Variants in PDHX observed in about 807,000 individuals in gnomAD.
The protein encoded by PDHX is pyruvate dehydrogenase complex component X.
PDHX carries 33 observed loss-of-function variants against 55.3 expected under a neutral mutation model. That is an observed-to-expected ratio of 0.60 (90% CI 0.45 to 0.80). The LOEUF (loss-of-function observed/expected upper bound fraction) is 0.80, where lower values mean the gene tolerates loss of function less well. Among genes scored for constraint, PDHX ranks in the 30% least tolerant of loss-of-function variants. The pLI is 0.00. For missense variants in PDHX, 622 were observed against 619.9 expected, an observed-to-expected ratio of 1.00 and a Z score of -0.04; for synonymous variants, 226 against 219.4, an observed-to-expected ratio of 1.03 and a Z score of -0.27.
intron 2 of PDHX, among the ~76,000 whole-genome samples, chr11:34,940,406 T>A (rs1190734389): frequency 6.6e-6 from 1 of 152,212 alleles, no homozygotes; most frequent in African/African-American, 2.4e-5. Flanking sequence ...ACTAGAGAGT[T>A]ATATGGGTCT....
intron 1 of PDHX, among the ~76,000 whole-genome samples, chr11:34,925,563 A>G (rs1333232138): frequency 6.6e-6 from 1 of 152,202 alleles, no homozygotes; most frequent in Non-Finnish European, 1.5e-5. Context: ...AGGAAGTAAG[A>G]TTGGATAAAT....
At chr11:34,955,447 T>A (rs558385615) in intron 3 of PDHX, among the ~76,000 whole-genome samples, 3 of 152,190 alleles carry the variant, frequency 2.0e-5, no homozygotes, top group Admixed American at 2.0e-4. Context: ...TGACTTTAAA[T>A]GGAATTATAA....
At chr11:34,953,412 G>A (rs1854825728) in intron 3 of PDHX, among the ~76,000 whole-genome samples, 1 of 152,138 alleles carries the variant, frequency 6.6e-6, no homozygotes, top group Admixed American at 6.5e-5. Context: ...GAACAAAGCT[G>A]GAGGCATCAT....
chr11:34,983,346 G>C lies in PDHX; in HGVS notation c.1024-1224G>C, dbSNP rs138268696. Among the ~76,000 whole-genome samples the C allele has an allele frequency of 1.2e-3, 188 of 152,234 alleles. 2 individuals carry two copies. Among genetic ancestry groups the C allele is most frequent in the African/African-American group, 4.3e-3 (179 of 41,536 alleles). ...TGAATAGGCAAAAACTGGAAGCATT[G>C]CCTTTGAAAACTGGCACAAGGCAGA... On this transcript the variant is annotated intron_variant, in intron 8 of 10. Transcript: ENST00000227868.
At chr11:34,935,104 A>G (rs1854278294) in intron 2 of PDHX, among the ~76,000 whole-genome samples, 1 of 152,084 alleles carries the variant, frequency 6.6e-6, no homozygotes, top group African/African-American at 2.4e-5. Flanking sequence ...TAAGTGAGGT[A>G]AAAGGTATAT....
chr11:34,916,584 C>A, upstream of PDHX: 18 of 1,581,096 alleles, frequency 1.1e-5, no homozygotes, highest in Non-Finnish European at 1.5e-5. Flanking sequence ...GCGTGGCCAA[C>A]CATGCGGGAG....
intron 5 of PDHX, among the ~76,000 whole-genome samples, chr11:34,962,306 C>G (rs546339558): frequency 1.3e-5 from 2 of 152,220 alleles, no homozygotes; most frequent in East Asian, 3.9e-4. Context: ...AAGGGAGATC[C>G]CTGATACAGA....
At chr11:34,976,057 A>G (rs1342072051) in intron 7 of PDHX, among the ~76,000 whole-genome samples, 1 of 152,194 alleles carries the variant, frequency 6.6e-6, no homozygotes, top group Non-Finnish European at 1.5e-5. Flanking sequence ...ATAGAGGTTA[A>G]TATGGGAATC....
At chr11:34,981,657 C>T (rs1179085066) in intron 8 of PDHX, among the ~76,000 whole-genome samples, 1 of 152,108 alleles carries the variant, frequency 6.6e-6, no homozygotes, top group Admixed American at 6.5e-5. Context: ...TCCTCTCCAG[C>T]ACCTGTTGTT....
At position 34,950,492 on chromosome 11, in the gene PDHX, A is replaced by T. The variant is rs1590745974; in HGVS notation, c.342+2886A>T. Among the ~76,000 whole-genome samples, 3 of 150,408 alleles carry T rather than the reference A, an allele frequency of 2.0e-5. No homozygotes were observed. In the East Asian group the frequency reaches 5.9e-4, roughly 30 times the overall value. ...TGCACCCATTAACTCGTCATTTAGCATTAGGTATATCTCCTAATGCTATCC... is the reference window on the plus strand; with the variant it reads ...TGCACCCATTAACTCGTCATTTAGCTTTAGGTATATCTCCTAATGCTATCC... On this transcript the variant is annotated intron_variant, in intron 3 of 10. Transcript: ENST00000227868.
chr11:34,970,066 A>G (rs959095981), intron 6 of PDHX, 73 bp from the exon 7 acceptor site: 4 of 1,268,134 alleles, frequency 3.2e-6, no homozygotes, highest in Non-Finnish European at 3.4e-6. Flanking sequence ...TTTCATTTAT[A>G]AAGTTGCTTG....
intron 10 of PDHX, 130 bp downstream of exon 10, chr11:34,992,509 T>C (rs998101926): frequency 4.9e-6 from 3 of 606,498 alleles, no homozygotes; most frequent in Admixed American, 2.8e-5. Flanking sequence ...ATTTAGACAA[T>C]AGAATATCTG....
intron 1 of PDHX, among the ~76,000 whole-genome samples, chr11:34,926,646 A>G (rs1328493641): frequency 2.1e-5 from 3 of 139,866 alleles, no homozygotes; most frequent in Non-Finnish European, 4.7e-5. Context: ...CTGCATTTGT[A>G]TTTTAAGAGT....
chr11:34,984,264 A>T (rs1226810561), intron 8 of PDHX, among the ~76,000 whole-genome samples: 1 of 152,220 alleles, frequency 6.6e-6, no homozygotes, highest in Non-Finnish European at 1.5e-5. Flanking sequence ...TACAACAGAC[A>T]TTAAATAACT....
intron 2 of PDHX, among the ~76,000 whole-genome samples, chr11:34,939,239 C>G (rs1275759025): frequency 1.3e-5 from 2 of 151,866 alleles, no homozygotes; most frequent in East Asian, 3.9e-4. Context: ...TTTTTGAGAT[C>G]TTTTTAAATG....
At chr11:34,985,333 C>T (rs1855617496) in intron 9 of PDHX, among the ~76,000 whole-genome samples, 1 of 151,974 alleles carries the variant, frequency 6.6e-6, no homozygotes, top group African/African-American at 2.4e-5. Flanking sequence ...TCCAGCTACT[C>T]GGGAGGCTGA....
At chr11:34,956,302 T>C (rs936848683) in intron 3 of PDHX, among the ~76,000 whole-genome samples, 1 of 152,168 alleles carries the variant, frequency 6.6e-6, no homozygotes, top group South Asian at 2.1e-4. Context: ...TTATAACTTA[T>C]GCCTTATTAA....
intron 1 of PDHX, among the ~76,000 whole-genome samples, chr11:34,918,276 T>TA (rs11452994): frequency 0.36 from 51,126 of 142,136 alleles, 9,325 homozygotes; most frequent in East Asian, 0.73. Flanking sequence ...CGTCTCTACT[T>TA]AAAAAAAAAA....
chr11:34,995,141 C>A lies in PDHX; in HGVS notation c.1475C>A (p.Ala492Glu). 1 of 1,613,926 alleles carries A rather than the reference C, an allele frequency of 6.2e-7. No individual in the cohort carries two copies. Among genetic ancestry groups the A allele is most frequent in the Non-Finnish European group, 8.5e-7 (1 of 1,179,866 alleles). The stretch of plus-strand genomic sequence containing the variant: ...ACCAGGTTTCTTAAAAGTTTTAAAG[C>A]AAACCTAGAGAATCCTATCCGACTT... Reference protein sequence around the residue: ...LATRFLKSFKANLENPIRLA With the variant: ...LATRFLKSFKENLENPIRLA The change falls in exon 11 of 11, where the codon GCA (alanine) becomes GAA (glutamate). Residue 492 changes from alanine to glutamate, a missense_variant. Transcript: ENST00000227868.
Sources: allele counts gnomAD v4.1 joint callset (sites outside exome capture counted in the v4.1 genomes callset), GRCh38; gene constraint gnomAD v4.1.1; transcripts MANE v1.5; gene names NCBI Gene and HGNC (gene_info 2026-07-23, HGNC 2026-07-21).